Variants in TNFRSF13B observed in about 807,000 individuals in gnomAD.
TNFRSF13B encodes the protein TNF receptor superfamily member 13B.
TNFRSF13B carries 34 observed loss-of-function variants against 24.0 expected under a neutral mutation model. That is an observed-to-expected ratio of 1.41 (90% CI 1.08 to 1.88). TNFRSF13B has a LOEUF of 1.88. TNFRSF13B is among the 40% of genes most tolerant of loss of function. The pLI is 0.00. For missense variants in TNFRSF13B, 415 were observed against 380.8 expected (o/e 1.09, Z -0.75); for synonymous variants, 173 against 150.3 (o/e 1.15, Z -1.10).
At chr17:16,963,567 CG>C (rs2087678224) in intron 1 of TNFRSF13B, among the ~76,000 whole-genome samples, 1 of 150,062 alleles carries the variant, frequency 6.7e-6, no homozygotes, top group South Asian at 2.1e-4. Flanking sequence ...TTGGTTTTTT[CG>C]AGACGGAGTC....
chr17:16,968,733 A>G (rs1257940556), intron 1 of TNFRSF13B, among the ~76,000 whole-genome samples: 9 of 152,270 alleles, frequency 5.9e-5, no homozygotes, highest in Non-Finnish European at 1.2e-4. Context: ...TTTGTGTTCC[A>G]AAGCAAATCA....
rs557726755 is a variant in TNFRSF13B at position 16,970,373 on chromosome 17, G to A, written c.61+1642C>T. Among the ~76,000 whole-genome samples, 5 of 152,340 alleles carry A rather than the reference G, an allele frequency of 3.3e-5. 1 individual carries two copies. Among genetic ancestry groups the A allele is most frequent in the South Asian group, 4.1e-4 (2 of 4,824 alleles). Reference sequence around the variant, plus strand: ...ACCCCGAGACCAGAGAGCAGCCAAGGAGGGTGATTCTCAGAGCCCTCTGCT... The same window carrying A: ...ACCCCGAGACCAGAGAGCAGCCAAGAAGGGTGATTCTCAGAGCCCTCTGCT... On this transcript the variant is annotated intron_variant, in intron 1 of 4. Coordinates refer to ENST00000261652, the MANE Select transcript of TNFRSF13B (RefSeq NM_012452.3).
chr17:16,940,932 T>C (rs2087505603), intron 3 of TNFRSF13B: 1 of 1,088,632 alleles, frequency 9.2e-7, no homozygotes, highest in African/African-American at 1.6e-5. Flanking sequence ...TTGGTATCCA[T>C]GGGGGACTGG....
rs567939578 is a variant in TNFRSF13B, at chr17:16,966,766, T to A, written c.61+5249A>T. Among the ~76,000 whole-genome samples the A allele has an allele frequency of 4.3e-5, 5 of 116,738 alleles. No individual in the cohort carries two copies. In the South Asian group the frequency reaches 1.4e-3, roughly 33 times the overall value. 76.6% of individuals were successfully genotyped at this position (116,738 alleles called of 152,430 possible). A position where few individuals can be genotyped will look rare whatever the true frequency, so the allele number is the denominator to read the frequency against. On this transcript the variant is annotated intron_variant, in intron 1 of 4. Transcript: ENST00000261652. ...AATGATAAATTTATTACAGCAACATTTTTTTTTTTAGTATATGTGCTGCCG... is the reference window on the plus strand; with the variant it reads ...AATGATAAATTTATTACAGCAACATATTTTTTTTTAGTATATGTGCTGCCG...
intron 1 of TNFRSF13B, 28 bp downstream of exon 1, chr17:16,971,987 C>T: frequency 1.2e-6 from 2 of 1,613,164 alleles, no homozygotes. Flanking sequence ...TCCCACCTGC[C>T]CTCCTGCCCT....
intron 3 of TNFRSF13B, among the ~76,000 whole-genome samples, chr17:16,944,516 G>T (rs11871739): frequency 6.6e-6 from 1 of 152,180 alleles, no homozygotes; most frequent in South Asian, 2.1e-4. Context: ...CTCCACACCC[G>T]CACCCCAGCC....
At chr17:16,940,640 T>A (rs1411619125) in intron 3 of TNFRSF13B, 129 bp from the exon 4 acceptor site, 1 of 1,518,086 alleles carries the variant, frequency 6.6e-7, no homozygotes, top group Non-Finnish European at 8.8e-7. Flanking sequence ...GGGCTCCTTT[T>A]CTGACCCTGA....
intron 1 of TNFRSF13B, among the ~76,000 whole-genome samples, chr17:16,958,451 G>A (rs1312388232): frequency 6.6e-6 from 1 of 151,590 alleles, no homozygotes; most frequent in Non-Finnish European, 1.5e-5. Context: ...AAAACCCACA[G>A]GCTTCATGTA....
chr17:16,967,361 C>T (rs1004959586), intron 1 of TNFRSF13B, among the ~76,000 whole-genome samples: 1 of 152,012 alleles, frequency 6.6e-6, no homozygotes, highest in Admixed American at 6.5e-5. Context: ...CGGCATGGCT[C>T]ATAGGCCCTG....
At chr17:16,950,649 C>G (rs368303620) in intron 2 of TNFRSF13B, among the ~76,000 whole-genome samples, 23 of 152,290 alleles carry the variant, frequency 1.5e-4, no homozygotes, top group African/African-American at 4.8e-4. Flanking sequence ...GTCCTTGGGG[C>G]TTTCTGTGAC....
chr17:16,940,724 C>G, intron 3 of TNFRSF13B: 1 of 1,444,076 alleles, frequency 6.9e-7, no homozygotes, highest in Non-Finnish European at 9.1e-7. Context: ...TTTCTAAGGC[C>G]TCAAAGCTGG....
At chr17:16,946,460 T>C (rs1286918323) in intron 3 of TNFRSF13B, among the ~76,000 whole-genome samples, 3 of 152,216 alleles carry the variant, frequency 2.0e-5, no homozygotes, top group African/African-American at 7.2e-5. Flanking sequence ...TTCTGATGCC[T>C]GGCACTTACC....
intron 1 of TNFRSF13B, among the ~76,000 whole-genome samples, chr17:16,954,141 T>C (rs1448524131): frequency 1.3e-5 from 2 of 152,212 alleles, no homozygotes; most frequent in African/African-American, 2.4e-5. Context: ...ATGCCTGTAA[T>C]CCGAGCATTT....
At chr17:16,964,462 C>T (rs1330199543) in intron 1 of TNFRSF13B, among the ~76,000 whole-genome samples, 1 of 151,578 alleles carries the variant, frequency 6.6e-6, no homozygotes, top group Non-Finnish European at 1.5e-5. Context: ...TCTGCCTCAG[C>T]CTCCCAAGTA....
rs2087490544 is a variant in TNFRSF13B, at chr17:16,939,483, C to T, written c.*64G>A. ...CTCATATCTCTCTCCCCTCTCCCCA[C>T]CTCTCTTTCTCTCTCCCCTCCTCTC... On this transcript the variant is annotated 3_prime_UTR_variant, in exon 5 of 5. Coordinates refer to ENST00000261652, the MANE Select transcript of TNFRSF13B (RefSeq NM_012452.3). The T allele has an allele frequency of 6.5e-7, 1 of 1,539,298 alleles. No individual in the cohort carries two copies. The highest frequency in any genetic ancestry group is 1.4e-5 in the African/African-American group (1 of 73,310).
rs544440846 is a variant in TNFRSF13B, at chr17:16,962,281, TGGATCATTTGAGGTCA to T, written c.62-9714_62-9699del. Reference sequence around the variant, plus strand: ...AATCACTTTGGGAGACCAAGGCAGGTGGATCATTTGAGGTCAGGAGTTCGAGACCAGCCTGGCCAAT... The same window carrying T: ...AATCACTTTGGGAGACCAAGGCAGGTGGAGTTCGAGACCAGCCTGGCCAAT... On this transcript the variant is annotated intron_variant, in intron 1 of 4. Coordinates refer to ENST00000261652, the MANE Select transcript of TNFRSF13B (RefSeq NM_012452.3). Among the ~76,000 whole-genome samples, 1,180 of 152,050 alleles carry T rather than the reference TGGATCATTTGAGGTCA, an allele frequency of 7.8e-3. 12 individuals are homozygous for T. Among genetic ancestry groups the T allele is most frequent in the Non-Finnish European group, 9.2e-3 (623 of 67,966 alleles).
intron 3 of TNFRSF13B, 93 bp downstream of exon 3, chr17:16,948,645 C>T (rs976276520): frequency 1.3e-6 from 2 of 1,571,022 alleles, no homozygotes; most frequent in African/African-American, 2.7e-5. Context: ...GGGCTTCATG[C>T]ATTGTGGACT....
chr17:16,964,732 A>G (rs1597668293), intron 1 of TNFRSF13B, among the ~76,000 whole-genome samples: 1 of 152,132 alleles, frequency 6.6e-6, no homozygotes, highest in East Asian at 1.9e-4. Flanking sequence ...TGAAATGGGG[A>G]CAGCCACTTC....
At chr17:16,967,773 G>GA (rs2087713899) in intron 1 of TNFRSF13B, among the ~76,000 whole-genome samples, 1 of 104,930 alleles carries the variant, frequency 9.5e-6, no homozygotes, top group African/African-American at 4.1e-5. Flanking sequence ...AAAAAAAAAA[G>GA]AAAGAAAGAA....
Sources: gnomAD v4.1 joint callset for allele counts (sites outside exome capture counted in the v4.1 genomes callset) on GRCh38, gnomAD v4.1.1 for gene constraint, MANE v1.5 for transcripts, NCBI Gene and HGNC (gene_info 2026-07-23, HGNC 2026-07-21) for gene names.